Variants in SESN1 observed in about 807,000 individuals in gnomAD.
SESN1 encodes sestrin-1.
A neutral mutation model predicts 59.3 loss-of-function variants in SESN1; 30 were observed. The observed-to-expected ratio is 0.51, with a 90% confidence interval of 0.38 to 0.69. The LOEUF (loss-of-function observed/expected upper bound fraction) is 0.69, where lower values mean the gene tolerates loss of function less well. Ranked by LOEUF, SESN1 falls within the 30% of genes least tolerant of loss-of-function variation. The pLI is 0.00. For missense variants in SESN1, 566 were observed against 673.0 expected (o/e 0.84, Z 1.76); for synonymous variants, 197 against 219.9 (o/e 0.90, Z 0.92).
chr6:109,064,778 A>G (rs983300207), intron 1 of SESN1, among the ~76,000 whole-genome samples: 1 of 151,814 alleles, frequency 6.6e-6, no homozygotes, highest in African/African-American at 2.4e-5. Context: ...AAACAAGTCT[A>G]TATCGCTGAG....
intron 1 of SESN1, among the ~76,000 whole-genome samples, chr6:109,017,734 C>A (rs563824202): frequency 1.3e-5 from 2 of 152,226 alleles, no homozygotes; most frequent in South Asian, 4.1e-4. Context: ...AGAGGGTCAT[C>A]TAGTTTACTA....
intron 1 of SESN1, among the ~76,000 whole-genome samples, chr6:109,092,723 T>C (rs563408861): frequency 6.6e-6 from 1 of 152,360 alleles, no homozygotes; most frequent in East Asian, 1.9e-4. Context: ...TAACTTTTTG[T>C]GTTTCAAAGG....
chr6:109,093,493 T>C lies in SESN1; in HGVS notation c.279+302A>G, dbSNP rs544001448. On this transcript the variant is annotated intron_variant, in intron 1 of 9. Coordinates refer to ENST00000436639, the MANE Select transcript of SESN1 (RefSeq NM_014454.3). ...ATGTGAGCCTTTACACTCAGAACAC[T>C]GTGACAATGTGAAAAAAAAACACTG... 2.6e-5 allele frequency among the ~76,000 whole-genome samples: 4 copies of C among 152,102 alleles called. No individual in the cohort carries two copies. The South Asian group carries it at 6.2e-4, about 24-fold the overall frequency.
intron 1 of SESN1, among the ~76,000 whole-genome samples, chr6:109,066,334 A>C (rs1433581853): frequency 1.3e-5 from 2 of 149,754 alleles, no homozygotes; most frequent in Non-Finnish European, 3.0e-5. Flanking sequence ...TTTTAAAGTC[A>C]CTATGATTTG....
At chr6:108,994,383 C>A in intron 6 of SESN1, 79 bp downstream of exon 6, 2 of 1,194,138 alleles carry the variant, frequency 1.7e-6, no homozygotes, top group Non-Finnish European at 2.4e-6. Flanking sequence ...TAGATTGATG[C>A]TTTAAAAGTT....
chr6:109,023,480 T>C (rs1212602381), intron 1 of SESN1, among the ~76,000 whole-genome samples: 1 of 152,240 alleles, frequency 6.6e-6, no homozygotes, highest in Admixed American at 6.5e-5. Context: ...ATAAATAATG[T>C]TAGTGGATGT....
intron 2 of SESN1, among the ~76,000 whole-genome samples, 169 bp from the exon 3 acceptor site, chr6:109,001,657 C>G (rs1182037120): frequency 6.6e-6 from 1 of 152,102 alleles, no homozygotes; most frequent in African/African-American, 2.4e-5. Context: ...GAAGAATAAA[C>G]AGTTACATAT....
At chr6:109,067,680 AT>A (rs1435901301) in intron 1 of SESN1, among the ~76,000 whole-genome samples, 5 of 152,142 alleles carry the variant, frequency 3.3e-5, no homozygotes, top group Non-Finnish European at 7.4e-5. Flanking sequence ...CACAAGAGCA[AT>A]TTATTTTTGC....
At chr6:109,008,385 G>A (rs1779779036) in intron 1 of SESN1, among the ~76,000 whole-genome samples, 1 of 152,168 alleles carries the variant, frequency 6.6e-6, no homozygotes, top group Non-Finnish European at 1.5e-5. Flanking sequence ...GATTTTTAAA[G>A]ATTGTTTTAT....
At chr6:109,044,884 G>A (rs11752581) in intron 1 of SESN1, among the ~76,000 whole-genome samples, 14,023 of 152,128 alleles carry the variant, frequency 0.092, 864 homozygotes, top group Middle Eastern at 0.19. Context: ...TTAGCTGAGC[G>A]TGGTGGCGCA....
At chr6:109,024,727 T>C (rs12374658) in intron 1 of SESN1, among the ~76,000 whole-genome samples, 15,226 of 152,166 alleles carry the variant, frequency 0.1, 926 homozygotes, top group Middle Eastern at 0.19. Flanking sequence ...GGCAACATGG[T>C]AGAGTATTGG....
intron 1 of SESN1, among the ~76,000 whole-genome samples, chr6:109,041,603 G>A (rs980217220): frequency 2.0e-5 from 3 of 151,848 alleles, no homozygotes; most frequent in Non-Finnish European, 2.9e-5. Flanking sequence ...CAGAGACAAG[G>A]AGGGACATTA....
intron 1 of SESN1, among the ~76,000 whole-genome samples, chr6:109,006,260 A>G (rs1486549331): frequency 6.6e-6 from 1 of 152,204 alleles, no homozygotes; most frequent in Admixed American, 6.5e-5. Context: ...TACTATTATT[A>G]TCTCCATTTA....
chr6:109,020,822 T>C (rs1188884395), intron 1 of SESN1, among the ~76,000 whole-genome samples: 2 of 152,222 alleles, frequency 1.3e-5, no homozygotes, highest in Non-Finnish European at 2.9e-5. Context: ...GCCAAATTTA[T>C]ATTCTAAAGC....
In SESN1 at chr6:108,986,844, T is replaced by C. The variant is rs953778037; in HGVS notation, c.*700A>G. 6.6e-6 allele frequency: 1 copy of C among 152,226 alleles called. No individual in the cohort carries two copies. Among genetic ancestry groups the C allele is most frequent in the African/African-American group, 2.4e-5 (1 of 41,442 alleles). 9.4% of individuals were successfully genotyped at this position (152,226 alleles called of 1,614,324 possible). A position where few individuals can be genotyped will look rare whatever the true frequency, so the allele number is the denominator to read the frequency against. On this transcript the variant is annotated 3_prime_UTR_variant, in exon 10 of 10. Transcript: ENST00000436639. ...GCTTCTTATAATTTACACACTTTCA[T>C]TTAGGATTGCTTTTTGAAGAAAATC...
At chr6:109,053,046 A>ATGTATG (rs531052440) in intron 1 of SESN1, among the ~76,000 whole-genome samples, 3 of 147,330 alleles carry the variant, frequency 2.0e-5, no homozygotes, top group African/African-American at 7.7e-5. Flanking sequence ...CAAGACTAGG[A>ATGTATG]TGTGTGTGTG....
At chr6:109,003,890 C>T (rs573326001) in intron 1 of SESN1, among the ~76,000 whole-genome samples, 9 of 152,296 alleles carry the variant, frequency 5.9e-5, no homozygotes, top group South Asian at 2.1e-4. Flanking sequence ...CTAAAATTAA[C>T]ATTTATCCCC....
At chr6:109,058,375 C>T (rs1397016512) in intron 1 of SESN1, among the ~76,000 whole-genome samples, 1 of 152,186 alleles carries the variant, frequency 6.6e-6, no homozygotes, top group Non-Finnish European at 1.5e-5. Context: ...ACATGCTATA[C>T]AGGTTTGTAG....
chr6:108,990,870 G>A, intron 7 of SESN1, 35 bp from the exon 8 acceptor site: 1 of 1,573,016 alleles, frequency 6.4e-7, no homozygotes, highest in Non-Finnish European at 8.7e-7. Flanking sequence ...GTGAATAAAT[G>A]TGGTCAAGTA....
Sources: gnomAD v4.1 joint callset for allele counts (sites outside exome capture counted in the v4.1 genomes callset) on GRCh38, gnomAD v4.1.1 for gene constraint, MANE v1.5 for transcripts, NCBI Gene and HGNC (gene_info 2026-07-23, HGNC 2026-07-21) for gene names.